KPNA7: variants seen among roughly 807,000 people sequenced by gnomAD.
The protein encoded by KPNA7 is importin subunit alpha-8.
A neutral mutation model predicts 53.7 loss-of-function variants in KPNA7; 54 were observed. The ratio of observed to expected loss-of-function variants is 1.01; its 90% CI spans 0.81 to 1.26. The LOEUF (loss-of-function observed/expected upper bound fraction) is 1.26. Ranked by LOEUF, KPNA7 falls within the 50% of genes most tolerant of loss-of-function variation. The pLI, the probability that KPNA7 is intolerant of heterozygous loss-of-function variation, is 0.00. For missense variants in KPNA7, 640 were observed against 644.5 expected (o/e 0.99, Z 0.07); for synonymous variants, 276 against 259.3 (o/e 1.06, Z -0.62).
intron 6 of KPNA7, 34 bp downstream of exon 6, chr7:99,192,983 TTA>T: frequency 1.6e-5 from 22 of 1,348,742 alleles, no homozygotes; most frequent in Non-Finnish European, 2.1e-5. Context: ...AAATTTTAAT[TTA>T]AAAAAAAAAA....
intron 1 of KPNA7, among the ~76,000 whole-genome samples, chr7:99,216,706 C>T (rs11973529): frequency 0.049 from 7,489 of 152,240 alleles, 266 homozygotes; most frequent in African/African-American, 0.1. Context: ...GGATTACGGG[C>T]ATGCGCCACC....
At chr7:99,162,846 G>A in the KPNA7 span, among the ~76,000 whole-genome samples, 3 of 152,034 alleles carry the variant, frequency 2.0e-5, no homozygotes, top group Non-Finnish European at 4.4e-5. Flanking sequence ...GCTTTAAGAT[G>A]TTGAAAAAGA....
chr7:99,179,030 G>A (rs1368763730), intron 9 of KPNA7, among the ~76,000 whole-genome samples: 1 of 151,906 alleles, frequency 6.6e-6, no homozygotes, highest in Non-Finnish European at 1.5e-5. Context: ...TCTCACCTCA[G>A]CCTCCCAAAG....
At chr7:99,182,099 T>G (rs1789282379) in intron 8 of KPNA7, 34 bp from the exon 9 acceptor site, 1 of 1,479,600 alleles carries the variant, frequency 6.8e-7, no homozygotes, top group Non-Finnish European at 9.1e-7. Flanking sequence ...TCTCTACAGA[T>G]CCTCAAGAAC....
the KPNA7 span, among the ~76,000 whole-genome samples, chr7:99,148,377 G>T: frequency 6.6e-6 from 1 of 152,114 alleles, no homozygotes; most frequent in South Asian, 2.1e-4. Context: ...TTTCCAGTGG[G>T]CAAATCTGTC....
At position 99,188,574 on chromosome 7, in the gene KPNA7, G is replaced by A. The variant is rs1247709132; in HGVS notation, c.637-11C>T. 12 of 1,548,522 alleles carry A rather than the reference G, an allele frequency of 7.7e-6. No individual in the cohort carries two copies. Among genetic ancestry groups the A allele is most frequent in the Non-Finnish European group, 1.0e-5 (12 of 1,144,192 alleles). The stretch of plus-strand genomic sequence containing the variant: ...CCGCAGAAATGTGATCTGTAACAAG[G>A]AGACTGCCTCCAGCATTGGGTGCAA... On this transcript the variant is annotated splice_polypyrimidine_tract_variant and intron_variant, in intron 6 of 10. Coordinates refer to ENST00000327442, the MANE Select transcript of KPNA7 (RefSeq NM_001145715.3).
chr7:99,148,895 G>GTTTTTTT, the KPNA7 span, among the ~76,000 whole-genome samples: 4 of 112,582 alleles, frequency 3.6e-5, no homozygotes, highest in African/African-American at 3.6e-5. Flanking sequence ...CCCAAGAACC[G>GTTTTTTT]TTTTTTTTTT....
At chr7:99,196,011 C>A in intron 4 of KPNA7, 73 bp downstream of exon 4, 1 of 1,262,866 alleles carries the variant, frequency 7.9e-7, no homozygotes. Flanking sequence ...AAATAGGCCA[C>A]CGGCGCTCCA....
At chr7:99,188,699 A>G in intron 6 of KPNA7, 136 bp from the exon 7 acceptor site, 2 of 972,072 alleles carry the variant, frequency 2.1e-6, no homozygotes, top group African/African-American at 1.6e-5. Flanking sequence ...TATTATTTTC[A>G]GACAGCCTTG....
chr7:99,186,045 G>A (rs569796447), intron 7 of KPNA7, among the ~76,000 whole-genome samples: 3 of 152,052 alleles, frequency 2.0e-5, no homozygotes, highest in Non-Finnish European at 2.9e-5. Flanking sequence ...TGCCTACCTC[G>A]GCCTCCCAAA....
At chr7:99,162,461 CTT>C in the KPNA7 span, among the ~76,000 whole-genome samples, 1 of 152,214 alleles carries the variant, frequency 6.6e-6, no homozygotes, top group African/African-American at 2.4e-5. Flanking sequence ...CTTCCTTCCT[CTT>C]TGTTGCCTCA....
At chr7:99,173,369 T>C (rs1391798621), downstream of KPNA7, among the ~76,000 whole-genome samples, 3 of 152,048 alleles carry the variant, frequency 2.0e-5, no homozygotes, top group African/African-American at 7.2e-5. Context: ...TTTTTTGTAT[T>C]TTTAATAGAG....
At chr7:99,185,503 T>C (rs1563073445) in intron 7 of KPNA7, among the ~76,000 whole-genome samples, 1 of 152,138 alleles carries the variant, frequency 6.6e-6, no homozygotes, top group Non-Finnish European at 1.5e-5. Flanking sequence ...TGTGCCACCA[T>C]GCCCGGCTAA....
Position 99,181,901 on chromosome 7 carries a change from G to A in KPNA7, c.1299C>T (p.Val433=). Reference sequence around the variant, plus strand: ...GGCTCACCTGGAGGATGCAAGAGATGACATCAAGGATGATGAGAACAATTT... The same window carrying A: ...GGCTCACCTGGAGGATGCAAGAGATAACATCAAGGATGATGAGAACAATTT... ...DVKIVLIILD[V]ISCILQAAEK... The change falls in exon 9 of 11, where the codon GTC becomes GTT. Residue 433 remains valine, a synonymous_variant. Coordinates refer to ENST00000327442, the MANE Select transcript of KPNA7 (RefSeq NM_001145715.3). 6.5e-7 allele frequency: 1 copy of A among 1,546,316 alleles called. No homozygotes were observed. The highest frequency in any genetic ancestry group is 8.7e-7 in the Non-Finnish European group (1 of 1,142,892).
At chr7:99,169,133 C>T (rs559353957), downstream of KPNA7, among the ~76,000 whole-genome samples, 4 of 151,702 alleles carry the variant, frequency 2.6e-5, no homozygotes, top group South Asian at 2.1e-4. Flanking sequence ...TCCAGCCTGG[C>T]GACAGAGAGA....
chr7:99,160,305 C>T, the KPNA7 span, among the ~76,000 whole-genome samples: 33,971 of 151,784 alleles, frequency 0.22, 3,947 homozygotes, highest in South Asian at 0.33. Flanking sequence ...GGATTACAGG[C>T]GTGAGCCACG....
intron 8 of KPNA7, 131 bp downstream of exon 8, chr7:99,184,798 G>A (rs1234872166): frequency 1.3e-6 from 1 of 750,162 alleles, no homozygotes; most frequent in Non-Finnish European, 2.2e-6. Flanking sequence ...GGCAAAGCTA[G>A]GACTCTGAGG....
the KPNA7 span, among the ~76,000 whole-genome samples, chr7:99,159,945 G>C: frequency 6.6e-6 from 1 of 150,618 alleles, no homozygotes; most frequent in South Asian, 2.1e-4. Flanking sequence ...TTGTCTGCAG[G>C]ATTTCTCATG....
intron 5 of KPNA7, 145 bp downstream of exon 5, chr7:99,194,925 G>A: frequency 9.7e-7 from 1 of 1,031,010 alleles, no homozygotes; most frequent in Non-Finnish European, 1.4e-6. Context: ...TTTGGAAACA[G>A]CTCATTGTAC....
Sources: gnomAD v4.1 joint callset for allele counts (sites outside exome capture counted in the v4.1 genomes callset) on GRCh38, gnomAD v4.1.1 for gene constraint, MANE v1.5 for transcripts, NCBI Gene and HGNC (gene_info 2026-07-23, HGNC 2026-07-21) for gene names.